The following EBF4 variants were observed in gnomAD, a reference collection of about 807,000 sequenced individuals.
EBF4 encodes transcription factor COE4.
In EBF4, 34 loss-of-function variants were observed where a neutral mutation model predicts 67.1. The ratio of observed to expected loss-of-function variants is 0.51; its 90% CI spans 0.39 to 0.67. EBF4 has a LOEUF of 0.67. Ranked by LOEUF, EBF4 falls within the 30% of genes least tolerant of loss-of-function variation. EBF4 has a pLI of 0.00. For synonymous variants in EBF4, 387 were observed against 377.7 expected, an observed-to-expected ratio of 1.02 and a Z score of -0.29; for missense variants, 837 against 873.3, an observed-to-expected ratio of 0.96 and a Z score of 0.52.
chr20:2,759,116 G>C (rs935697772), intron 16 of EBF4, 132 bp downstream of exon 16: 2 of 895,564 alleles, frequency 2.2e-6, no homozygotes, highest in African/African-American at 3.4e-5. Flanking sequence ...TGGGGTCCAA[G>C]TCTTCCTCCC....
rs78428654 is a variant in EBF4, at chr20:2,756,830, C to T, written c.1738+1006C>T. Among the ~76,000 whole-genome samples, 9 of 152,300 alleles carry T rather than the reference C, an allele frequency of 5.9e-5. No homozygotes were observed. In the East Asian group the frequency reaches 1.5e-3, roughly 26 times the overall value. ...TAGGAAAGAATCAGTGTTGAAATTA[C>T]GTAAGTGGCTACTGAAGAATTTGTC... is the stretch of plus-strand genomic sequence containing the variant. On this transcript the variant is annotated intron_variant, in intron 15 of 16. Transcript: ENST00000609451. The surrounding 1 kb of genome is among the most constrained non-coding windows in gnomAD (Gnocchi z 4.5).
chr20:2,730,608 T>C (rs1269806922), intron 6 of EBF4, among the ~76,000 whole-genome samples: 1 of 152,180 alleles, frequency 6.6e-6, no homozygotes, highest in African/African-American at 2.4e-5. Flanking sequence ...CAAGTAATCC[T>C]TAAGCCACCA....
chr20:2,751,916 C>A lies in EBF4; in HGVS notation c.1108-6C>A, dbSNP rs1176201490. The A allele has an allele frequency of 6.5e-7, 1 of 1,549,402 alleles. No individual in the cohort carries two copies. The highest frequency in any genetic ancestry group is 1.2e-5 in the South Asian group (1 of 84,032). On this transcript the variant is annotated splice_region_variant and splice_polypyrimidine_tract_variant and intron_variant, in intron 11 of 16. Transcript: ENST00000609451. This position sits in a 1 kb window ranked among gnomAD's most constrained non-coding sequence, Gnocchi z 5.2. ...TCCGTCCCGCTGTCTCTCCCCCTGT[C>A]CCCAGGAAGTGCTGCTGAAGCGGGC...
At chr20:2,743,009 T>C (rs2087990213) in intron 6 of EBF4, among the ~76,000 whole-genome samples, 1 of 152,122 alleles carries the variant, frequency 6.6e-6, no homozygotes, top group South Asian at 2.1e-4. Context: ...ATGTGTTCCA[T>C]GTGTGTGTCT....
intron 6 of EBF4, among the ~76,000 whole-genome samples, chr20:2,740,768 C>T (rs1300574923): frequency 1.3e-5 from 2 of 152,046 alleles, no homozygotes; most frequent in South Asian, 2.1e-4. Context: ...TGGTCTCGGT[C>T]GGAGTCTAGC....
chr20:2,723,333 CTTTTATTTAT>C (rs1398463357), intron 6 of EBF4, among the ~76,000 whole-genome samples: 4 of 151,618 alleles, frequency 2.6e-5, no homozygotes, highest in African/African-American at 9.7e-5. Context: ...AGATGTTTGT[CTTTTATTTAT>C]TTTTATTTTT....
At chr20:2,749,675 C>T (rs1294320810) in exon 9 of EBF4, 2 of 1,567,454 alleles carry the variant, frequency 1.3e-6, no homozygotes, top group Middle Eastern at 3.3e-4. Flanking sequence ...CCACGGGCGG[C>T]GCCACCGTCA....
intron 6 of EBF4, among the ~76,000 whole-genome samples, chr20:2,712,992 T>C (rs1234363575): frequency 6.6e-6 from 1 of 152,184 alleles, no homozygotes; most frequent in Non-Finnish European, 1.5e-5. Context: ...GATAGAATTG[T>C]GTCTAAGAGA....
chr20:2,714,878 G>T (rs924213751), intron 6 of EBF4, among the ~76,000 whole-genome samples: 19 of 151,804 alleles, frequency 1.3e-4, no homozygotes, highest in African/African-American at 4.4e-4. Flanking sequence ...TGTATCCTGT[G>T]GTTGCTTCCA....
Position 2,706,052 on chromosome 20 carries a change from C to T in EBF4, c.358+15C>T, listed in dbSNP as rs6115644. 1.3e-6 allele frequency: 2 copies of T among 1,551,470 alleles called. No homozygotes were observed. Among genetic ancestry groups the T allele is most frequent in the Non-Finnish European group, 1.7e-6 (2 of 1,146,878 alleles). On this transcript the variant is annotated intron_variant, in intron 3 of 16. Coordinates refer to ENST00000609451, the Ensembl canonical transcript of EBF4. ...GTATAACAATGGTGAGTGGAGGCCC[C>T]TGCCCTACCCAGCCCTGCCCCTGAA...
intron 6 of EBF4, among the ~76,000 whole-genome samples, chr20:2,738,518 A>G (rs1301364758): frequency 3.3e-5 from 5 of 152,160 alleles, no homozygotes; most frequent in Non-Finnish European, 7.4e-5. Context: ...CAGGCACACC[A>G]TGGTGACCAT....
At chr20:2,752,284 C>G (rs911762392) in intron 13 of EBF4, 21 bp downstream of exon 13, 3 of 1,220,992 alleles carry the variant, frequency 2.5e-6, no homozygotes, top group African/African-American at 3.2e-5. Context: ...CGCGCCTCCC[C>G]GCCGTCCTCG....
At chr20:2,728,880 A>C (rs1334728902) in intron 6 of EBF4, among the ~76,000 whole-genome samples, 2 of 152,118 alleles carry the variant, frequency 1.3e-5, no homozygotes, top group Non-Finnish European at 2.9e-5. Context: ...ACAGATCACC[A>C]TAGTATTAAT....
chr20:2,733,188 T>G (rs79498103), intron 6 of EBF4, among the ~76,000 whole-genome samples: 1 of 152,238 alleles, frequency 6.6e-6, no homozygotes, highest in South Asian at 2.1e-4. Context: ...TGCAATTTTT[T>G]GGTCGATAGT....
At chr20:2,708,588 C>T (rs1301102615) in intron 5 of EBF4, among the ~76,000 whole-genome samples, 1 of 152,168 alleles carries the variant, frequency 6.6e-6, no homozygotes, top group Non-Finnish European at 1.5e-5. Flanking sequence ...GGTTGGTAGC[C>T]AGGCGCCTGT....
chr20:2,736,263 TG>T (rs1193500054), intron 6 of EBF4, among the ~76,000 whole-genome samples: 5 of 152,288 alleles, frequency 3.3e-5, no homozygotes, highest in Non-Finnish European at 7.4e-5. Context: ...GGATACTCCC[TG>T]GCATTTAATT....
In EBF4 at chr20:2,717,962, C is replaced by T. The variant is rs192301483; in HGVS notation, c.557+8320C>T. Reference sequence around the variant, plus strand: ...AGTAGCTGGGATTACAGATGCATGCCACCATGCCCGGCTAATTTTTGTATT... The same window carrying T: ...AGTAGCTGGGATTACAGATGCATGCTACCATGCCCGGCTAATTTTTGTATT... On this transcript the variant is annotated intron_variant, in intron 6 of 16. Coordinates refer to ENST00000609451, the Ensembl canonical transcript of EBF4. Among the ~76,000 whole-genome samples the T allele has an allele frequency of 1.4e-3, 214 of 152,204 alleles. 2 individuals are homozygous for T. The highest frequency in any genetic ancestry group is 4.9e-3 in the African/African-American group (205 of 41,508).
Position 2,749,610 on chromosome 20 carries a change from T to C in EBF4, c.758-10T>C. The C allele has an allele frequency of 6.4e-7, 1 of 1,553,290 alleles. No individual in the cohort carries two copies. On this transcript the variant is annotated splice_polypyrimidine_tract_variant and intron_variant, in intron 8 of 16. Coordinates refer to ENST00000609451, the Ensembl canonical transcript of EBF4. ...CGGTCCCCTGACCTGGGTCCTCTCC[T>C]GCCTCCCAGCTGCCACCCCCTGCAT...
chr20:2,737,094 C>T (rs1027777947), intron 6 of EBF4, among the ~76,000 whole-genome samples: 1 of 138,542 alleles, frequency 7.2e-6, no homozygotes, highest in African/African-American at 2.5e-5. Context: ...CTAAAAATAC[C>T]AAAAAATTAG....
Sources: allele counts gnomAD v4.1 joint callset (sites outside exome capture counted in the v4.1 genomes callset), GRCh38; gene constraint gnomAD v4.1.1; non-coding constraint Gnocchi (gnomAD v3.1); transcripts MANE v1.5; gene names NCBI Gene and HGNC (gene_info 2026-07-23, HGNC 2026-07-21).